The following KCNJ6 variants were observed in gnomAD, a reference collection of about 807,000 sequenced individuals.
The protein encoded by KCNJ6 is potassium inwardly rectifying channel subfamily J member 6, also known as G protein-activated inward rectifier potassium channel 2.
In KCNJ6, 9 loss-of-function variants were observed where a neutral mutation model predicts 34.2. The observed-to-expected ratio is 0.26, with a 90% confidence interval of 0.16 to 0.46. The LOEUF (loss-of-function observed/expected upper bound fraction) is 0.46, where lower values mean the gene tolerates loss of function less well. KCNJ6 is among the 20% of genes least tolerant of loss of function. KCNJ6 has a pLI of 1.00. For synonymous variants in KCNJ6, 196 were observed against 207.1 expected, an observed-to-expected ratio of 0.95 and a Z score of 0.46; for missense variants, 236 against 531.3, an observed-to-expected ratio of 0.44 and a Z score of 5.46.
At chr21:37,771,645 G>A (rs189742347) in intron 2 of KCNJ6, among the ~76,000 whole-genome samples, 1 of 152,250 alleles carries the variant, frequency 6.6e-6, no homozygotes, top group African/African-American at 2.4e-5. Context: ...GAGGCTACAA[G>A]CACTGCTAGA....
intron 1 of KCNJ6, among the ~76,000 whole-genome samples, chr21:37,914,008 G>GGGGTGTGTGTGTGTGTGT (rs760597650): frequency 6.6e-5 from 9 of 135,480 alleles, no homozygotes; most frequent in Admixed American, 3.0e-4. Context: ...GGCGGATCGG[G>GGGGTGTGTGTGTGTGTGT]GTGTGTGTGT....
At chr21:37,851,410 A>T (rs1024847377) in intron 1 of KCNJ6, among the ~76,000 whole-genome samples, 4 of 152,236 alleles carry the variant, frequency 2.6e-5, no homozygotes, top group Non-Finnish European at 4.4e-5. Flanking sequence ...GAATATTTTT[A>T]AAATGTTCCT....
At chr21:37,719,865 G>A (rs866939373) in intron 2 of KCNJ6, among the ~76,000 whole-genome samples, 41 of 152,208 alleles carry the variant, frequency 2.7e-4, no homozygotes, top group Non-Finnish European at 2.4e-4. Flanking sequence ...TTGTTGCAGG[G>A]AAGCCTCCCC....
At chr21:37,791,659 T>G (rs1351954924) in intron 2 of KCNJ6, among the ~76,000 whole-genome samples, 2 of 152,136 alleles carry the variant, frequency 1.3e-5, no homozygotes, top group African/African-American at 2.4e-5. Flanking sequence ...TGACGGGAGA[T>G]TTTATTGGCC....
chr21:37,752,009 C>T (rs962465597), intron 2 of KCNJ6, among the ~76,000 whole-genome samples: 43 of 152,268 alleles, frequency 2.8e-4, no homozygotes, highest in Non-Finnish European at 1.0e-4. Context: ...AAAGAATGGG[C>T]AGTGATGGAA....
At chr21:37,865,206 A>G (rs2055616528) in intron 1 of KCNJ6, among the ~76,000 whole-genome samples, 1 of 152,196 alleles carries the variant, frequency 6.6e-6, no homozygotes, top group Admixed American at 6.5e-5. Context: ...TGCTGGGAAT[A>G]ATGTAAAGTG....
intron 3 of KCNJ6, among the ~76,000 whole-genome samples, chr21:37,661,444 T>C (rs2054487616): frequency 6.6e-6 from 1 of 152,158 alleles, no homozygotes; most frequent in Non-Finnish European, 1.5e-5. Context: ...TACTCATTTC[T>C]TCCCTTTTCT....
At chr21:37,766,596 G>A (rs902079693) in intron 2 of KCNJ6, among the ~76,000 whole-genome samples, 2 of 152,154 alleles carry the variant, frequency 1.3e-5, no homozygotes, top group South Asian at 2.1e-4. Context: ...ATGGGACCCC[G>A]GGCAGTGGAA....
chr21:37,700,156 A>G (rs1459497059), intron 3 of KCNJ6, among the ~76,000 whole-genome samples: 2 of 151,666 alleles, frequency 1.3e-5, no homozygotes, highest in Non-Finnish European at 2.9e-5. Context: ...GAGGACACCC[A>G]CATGTGGTCA....
At chr21:37,782,763 T>C (rs1184270662) in intron 2 of KCNJ6, among the ~76,000 whole-genome samples, 1 of 152,196 alleles carries the variant, frequency 6.6e-6, no homozygotes, top group Non-Finnish European at 1.5e-5. Context: ...TCTGCCCTTG[T>C]CCACCTAAGT....
chr21:37,740,819 T>C (rs1251069084), intron 2 of KCNJ6, among the ~76,000 whole-genome samples: 1 of 152,284 alleles, frequency 6.6e-6, no homozygotes, highest in African/African-American at 2.4e-5. Flanking sequence ...CCTTTAGGTT[T>C]AGATCTTTGC....
intron 3 of KCNJ6, among the ~76,000 whole-genome samples, chr21:37,642,040 A>T (rs754579122): frequency 2.6e-5 from 4 of 152,234 alleles, no homozygotes; most frequent in Non-Finnish European, 5.9e-5. Flanking sequence ...TCTTGAATGC[A>T]GGAAGATGAT....
chr21:37,635,671 C>T (rs1448465850), intron 3 of KCNJ6, among the ~76,000 whole-genome samples: 1 of 151,794 alleles, frequency 6.6e-6, no homozygotes, highest in Non-Finnish European at 1.5e-5. Context: ...GCATGTGCCA[C>T]CACACCTGAC....
intron 1 of KCNJ6, among the ~76,000 whole-genome samples, chr21:37,908,292 A>G (rs576025071): frequency 6.6e-6 from 1 of 152,206 alleles, no homozygotes; most frequent in Non-Finnish European, 1.5e-5. Context: ...TTTTGCTTCT[A>G]GTGAAAAGGT....
chr21:37,795,326 T>C lies in KCNJ6; in HGVS notation c.25+45332A>G, dbSNP rs553640281. Among the ~76,000 whole-genome samples the C allele has an allele frequency of 1.7e-3, 255 of 152,230 alleles. 1 individual carries two copies. Among genetic ancestry groups the C allele is most frequent in the African/African-American group, 5.2e-3 (218 of 41,548 alleles). ...TCGGGTGATGGAAGGTCACTTACAATGTGTACAGCAGGAGGTGCTGGGGTG... is the reference window on the plus strand; with the variant it reads ...TCGGGTGATGGAAGGTCACTTACAACGTGTACAGCAGGAGGTGCTGGGGTG... On this transcript the variant is annotated intron_variant, in intron 2 of 3. Coordinates refer to ENST00000609713, the MANE Select transcript of KCNJ6 (RefSeq NM_002240.5).
chr21:37,737,999 C>T (rs1306710660), intron 2 of KCNJ6, among the ~76,000 whole-genome samples: 1 of 152,152 alleles, frequency 6.6e-6, no homozygotes, highest in African/African-American at 2.4e-5. Flanking sequence ...CTCCAGGAAG[C>T]CAAGGTGGAA....
intron 2 of KCNJ6, chr21:37,717,280 A>AT (rs1164161179): frequency 6.5e-6 from 1 of 153,016 alleles, no homozygotes; most frequent in Non-Finnish European, 1.5e-5. Context: ...AAATACCAGG[A>AT]TAGGTGTTGA....
chr21:37,897,563 C>T (rs899382920), intron 1 of KCNJ6, among the ~76,000 whole-genome samples: 1 of 152,232 alleles, frequency 6.6e-6, no homozygotes, highest in African/African-American at 2.4e-5. Context: ...TCTCCGTGCC[C>T]TGTGGCCTGT....
intron 2 of KCNJ6, among the ~76,000 whole-genome samples, chr21:37,732,628 G>T (rs191573917): frequency 6.6e-6 from 1 of 152,304 alleles, no homozygotes; most frequent in East Asian, 1.9e-4. Flanking sequence ...ATTCCACCAC[G>T]TCATGGGTTC....
Sources: allele counts gnomAD v4.1 joint callset (sites outside exome capture counted in the v4.1 genomes callset), GRCh38; gene constraint gnomAD v4.1.1; transcripts MANE v1.5; gene names NCBI Gene and HGNC (gene_info 2026-07-23, HGNC 2026-07-21).